AP4E1: variants seen among roughly 807,000 people sequenced by gnomAD.
AP4E1 encodes the protein AP-4 complex subunit epsilon-1.
A neutral mutation model predicts 128.2 loss-of-function variants in AP4E1; 56 were observed. That is an observed-to-expected ratio of 0.44 (90% CI 0.35 to 0.55). The LOEUF (loss-of-function observed/expected upper bound fraction) is 0.55, where lower values mean the gene tolerates loss of function less well. AP4E1 is among the 20% of genes least tolerant of loss of function. The pLI, the probability that AP4E1 is intolerant of heterozygous loss-of-function variation, is 0.00. For missense variants in AP4E1, 1,324 were observed against 1,307.7 expected (o/e 1.01, Z -0.19); for synonymous variants, 484 against 473.1 (o/e 1.02, Z -0.30).
chr15:50,944,782 A>G (rs546904504), intron 10 of AP4E1: 1 of 658,024 alleles, frequency 1.5e-6, no homozygotes, highest in Non-Finnish European at 2.8e-6. Context: ...CCATGAGAAT[A>G]TGTAAGAGCT....
At chr15:50,940,876 G>C (rs2063976464) in intron 8 of AP4E1, among the ~76,000 whole-genome samples, 1 of 152,102 alleles carries the variant, frequency 6.6e-6, no homozygotes, top group South Asian at 2.1e-4. Context: ...TTATTTTAAA[G>C]AATAGTTTGA....
At chr15:50,968,403 G>A in intron 15 of AP4E1, 26 bp downstream of exon 15, 1 of 1,520,138 alleles carries the variant, frequency 6.6e-7, no homozygotes, top group South Asian at 1.1e-5. Flanking sequence ...TTTATGATAA[G>A]CTAGAGTGTA....
At chr15:50,957,905 C>A (rs1299864629) in intron 13 of AP4E1, among the ~76,000 whole-genome samples, 1 of 151,918 alleles carries the variant, frequency 6.6e-6, no homozygotes, top group African/African-American at 2.4e-5. Flanking sequence ...TCAAACTCCT[C>A]AGGTGATCCA....
intron 15 of AP4E1, among the ~76,000 whole-genome samples, chr15:50,970,004 A>C (rs1272435414): frequency 1.3e-5 from 2 of 152,174 alleles, no homozygotes; most frequent in Non-Finnish European, 2.9e-5. Flanking sequence ...GTGATACTTT[A>C]TTATTAAACC....
chr15:50,940,797 C>T (rs1028769323), intron 8 of AP4E1, among the ~76,000 whole-genome samples: 2 of 152,050 alleles, frequency 1.3e-5, no homozygotes, highest in East Asian at 1.9e-4. Flanking sequence ...ATGAGACTTT[C>T]GAATGTATCA....
At chr15:50,919,124 G>A (rs1329008374) in intron 3 of AP4E1, among the ~76,000 whole-genome samples, 3 of 152,062 alleles carry the variant, frequency 2.0e-5, no homozygotes, top group Non-Finnish European at 4.4e-5. Flanking sequence ...CAGCTACTAG[G>A]GAGGCTGAGG....
chr15:50,991,054 G>T (rs887946014), intron 16 of AP4E1, among the ~76,000 whole-genome samples: 3 of 152,188 alleles, frequency 2.0e-5, no homozygotes, highest in Admixed American at 2.0e-4. Flanking sequence ...GTTGTGCTGA[G>T]TTGGACCGAG....
In AP4E1 at chr15:50,958,561, T is replaced by C. The variant is rs1440452705; in HGVS notation, c.1618T>C (p.Leu540=). The C allele has an allele frequency of 6.2e-7, 1 of 1,614,050 alleles. No individual in the cohort carries two copies. The highest frequency in any genetic ancestry group is 1.1e-5 in the South Asian group (1 of 91,082). ...GGAAGTTATAGCTAAGCTCTACAAG[T>C]TACTTATGAATGACTCTGTGTCTTC... ...PEEVIAKLYK[L]LMNDSVSSET... The change falls in exon 14 of 21, where the codon TTA becomes CTA. Residue 540 remains leucine, a synonymous_variant. Coordinates refer to ENST00000261842, the MANE Select transcript of AP4E1 (RefSeq NM_007347.5).
intron 13 of AP4E1, among the ~76,000 whole-genome samples, chr15:50,952,931 GT>G (rs1226799201): frequency 6.6e-6 from 1 of 151,954 alleles, no homozygotes; most frequent in African/African-American, 2.4e-5. Context: ...ATAAGTTTGG[GT>G]TAAGATGGTG....
At position 50,958,523 on chromosome 15, in the gene AP4E1, A is replaced by G. The variant is rs1409531461; in HGVS notation, c.1580A>G (p.Lys527Arg). The G allele has an allele frequency of 3.1e-6, 5 of 1,613,344 alleles. No individual in the cohort carries two copies. In the South Asian group the frequency reaches 5.5e-5, roughly 18 times the overall value. ...GGGGAATATTCCTACCTCTTAGATAAGGAAACGCCAGAGGAAGTTATAGCT... is the reference window on the plus strand; with the variant it reads ...GGGGAATATTCCTACCTCTTAGATAGGGAAACGCCAGAGGAAGTTATAGCT... ...VLGEYSYLLD[K>R]ETPEEVIAKL... Residue 527 changes from lysine (K) to arginine (R), a missense_variant, in exon 14 of 21, where the codon AAG becomes AGG. Transcript: ENST00000261842.
chr15:50,941,323 T>C, intron 8 of AP4E1, 119 bp from the exon 9 acceptor site: 1 of 1,160,946 alleles, frequency 8.6e-7, no homozygotes, highest in Non-Finnish European at 1.2e-6. Context: ...GAAAAGTCCA[T>C]AAATAAGATT....
chr15:50,933,307 T>C (rs2063859339), intron 7 of AP4E1, among the ~76,000 whole-genome samples: 1 of 152,192 alleles, frequency 6.6e-6, no homozygotes, highest in Non-Finnish European at 1.5e-5. Flanking sequence ...TATTGCTCAA[T>C]GTAGCAAAGT....
At chr15:50,998,784 GA>G (rs2064917164) in intron 18 of AP4E1, among the ~76,000 whole-genome samples, 1 of 152,040 alleles carries the variant, frequency 6.6e-6, no homozygotes, top group Non-Finnish European at 1.5e-5. Context: ...AAAATTATTT[GA>G]AAACTCTCCT....
intron 20 of AP4E1, among the ~76,000 whole-genome samples, chr15:51,001,652 A>T (rs1440162655): frequency 6.6e-6 from 1 of 152,160 alleles, no homozygotes; most frequent in Non-Finnish European, 1.5e-5. Context: ...TGAGCATAAT[A>T]TCTTCAAGGT....
At chr15:50,960,117 A>G (rs1035407926) in intron 14 of AP4E1, among the ~76,000 whole-genome samples, 1 of 152,200 alleles carries the variant, frequency 6.6e-6, no homozygotes, top group African/African-American at 2.4e-5. Flanking sequence ...AAGCAAATAT[A>G]TATAAAGCAA....
intron 2 of AP4E1, among the ~76,000 whole-genome samples, chr15:50,912,599 A>G (rs1274520351): frequency 6.6e-6 from 1 of 152,026 alleles, no homozygotes; most frequent in East Asian, 1.9e-4. Context: ...ATGGTCATTC[A>G]TTATTATGCA....
chr15:50,936,991 G>A (rs1176181241), intron 8 of AP4E1, among the ~76,000 whole-genome samples: 1 of 151,862 alleles, frequency 6.6e-6, no homozygotes, highest in South Asian at 2.1e-4. Context: ...TTTCTTTGCA[G>A]GCTCTTGGTC....
intron 11 of AP4E1, among the ~76,000 whole-genome samples, chr15:50,949,541 A>G (rs757304736): frequency 1.3e-5 from 2 of 152,118 alleles, no homozygotes; most frequent in African/African-American, 4.8e-5. Context: ...GCATCTAGTT[A>G]GCTGGTTTGT....
intron 5 of AP4E1, among the ~76,000 whole-genome samples, chr15:50,928,077 T>C (rs2063789377): frequency 1.3e-5 from 2 of 152,212 alleles, no homozygotes; most frequent in African/African-American, 4.8e-5. Context: ...GCAAAACTAG[T>C]ATATACTTTT....
Sources: allele counts gnomAD v4.1 joint callset (sites outside exome capture counted in the v4.1 genomes callset), GRCh38; gene constraint gnomAD v4.1.1; transcripts MANE v1.5; gene names NCBI Gene and HGNC (gene_info 2026-07-23, HGNC 2026-07-21).